Variants in LHFPL1 observed in about 807,000 individuals in gnomAD.
LHFPL1 encodes the protein LHFPL tetraspan subfamily member 1.
LHFPL1 carries 4 observed loss-of-function variants against 12.1 expected under a neutral mutation model. The observed-to-expected ratio is 0.33, with a 90% CI of 0.16 to 0.76. The LOEUF is 0.76. LHFPL1 is among the 30% of genes least tolerant of loss of function. The pLI is 0.61. For missense variants in LHFPL1, 141 were observed against 174.1 expected (o/e 0.81, Z 1.07); for synonymous variants, 52 against 61.9 (o/e 0.84, Z 0.75).
chrX:112,631,864 G>A (rs987267780), intron 3 of LHFPL1, among the ~76,000 whole-genome samples: 34 of 111,580 alleles, frequency 3.0e-4, no homozygotes, highest in African/African-American at 1.1e-3. Flanking sequence ...GGGGTGGTAT[G>A]GGTGGCAATG....
intron 2 of LHFPL1, among the ~76,000 whole-genome samples, chrX:112,669,340 G>A (rs1329909885): frequency 1.8e-5 from 2 of 112,413 alleles, no homozygotes; most frequent in Non-Finnish European, 3.8e-5. Flanking sequence ...TAATACCCAT[G>A]GAGCTTCCAA....
rs1475994174 is a variant in LHFPL1 at position 112,631,065 on chromosome X, GTGAA to G, written c.*351_*354del. ...ACTTGGGAATGAACTGATGAACTGT[GTGAA>G]TGGAGTGGTAGGAACCAGCTCTGCC... On this transcript the variant is annotated 3_prime_UTR_variant, in exon 4 of 4. Coordinates refer to ENST00000371968, the MANE Select transcript of LHFPL1 (RefSeq NM_178175.4). 6.9e-6 allele frequency: 1 copy of G among 144,709 alleles called. No individual in the cohort carries two copies. Among genetic ancestry groups the G allele is most frequent in the Non-Finnish European group, 1.4e-5 (1 of 73,860 alleles). 11.9% of individuals were successfully genotyped at this position (144,709 alleles called of 1,213,427 possible).
intron 3 of LHFPL1, among the ~76,000 whole-genome samples, chrX:112,644,940 G>A (rs1270990961): frequency 8.9e-6 from 1 of 112,272 alleles, no homozygotes; most frequent in Non-Finnish European, 1.9e-5. Flanking sequence ...GCTTTGAACT[G>A]GCAAGAATGA....
intron 1 of LHFPL1, among the ~76,000 whole-genome samples, chrX:112,675,738 T>G (rs960230482): frequency 1.8e-5 from 2 of 111,463 alleles, no homozygotes; most frequent in Non-Finnish European, 3.8e-5. Flanking sequence ...TTGGATGAAA[T>G]GGTCACCCTA....
At chrX:112,662,565 G>A (rs777441555) in intron 2 of LHFPL1, among the ~76,000 whole-genome samples, 2 of 112,345 alleles carry the variant, frequency 1.8e-5, no homozygotes, top group South Asian at 3.7e-4. Context: ...TAAGAAAATA[G>A]GGAGAATTTA....
chrX:112,637,586 A>T (rs950174106), intron 3 of LHFPL1, among the ~76,000 whole-genome samples: 2 of 112,157 alleles, frequency 1.8e-5, no homozygotes, highest in Non-Finnish European at 3.8e-5. Context: ...GAATCCAAAA[A>T]AGGAGTTCTC....
intron 1 of LHFPL1, among the ~76,000 whole-genome samples, chrX:112,674,648 A>C (rs758488098): frequency 8.9e-6 from 1 of 112,283 alleles, no homozygotes; most frequent in Non-Finnish European, 1.9e-5. Context: ...ACAATTATTA[A>C]AAAAGATATA....
intron 3 of LHFPL1, among the ~76,000 whole-genome samples, chrX:112,640,300 TG>T (rs1803435653): frequency 9.0e-6 from 1 of 110,543 alleles, no homozygotes; most frequent in Non-Finnish European, 1.9e-5. Context: ...TGAAAGGAGC[TG>T]GGGAGTTTTC....
intron 2 of LHFPL1, among the ~76,000 whole-genome samples, chrX:112,661,413 A>G (rs1169518287): frequency 5.4e-5 from 6 of 111,758 alleles, no homozygotes; most frequent in African/African-American, 1.6e-4. Context: ...TCTGCTTGCC[A>G]ACACTGCCTT....
intron 3 of LHFPL1, among the ~76,000 whole-genome samples, chrX:112,649,435 T>G (rs2147709008): frequency 8.9e-6 from 1 of 112,282 alleles, no homozygotes; most frequent in African/African-American, 3.2e-5. Flanking sequence ...ATAAGCCTCC[T>G]CCAATTGTGA....
At chrX:112,649,984 A>T (rs1358405664) in intron 3 of LHFPL1, among the ~76,000 whole-genome samples, 1 of 89,155 alleles carries the variant, frequency 1.1e-5, no homozygotes, top group Non-Finnish European at 2.0e-5. Flanking sequence ...TTGTGAAAAA[A>T]AAAAAAGTAT....
At chrX:112,651,988 T>C (rs1304655167) in intron 3 of LHFPL1, among the ~76,000 whole-genome samples, 1 of 113,064 alleles carries the variant, frequency 8.8e-6, no homozygotes, top group African/African-American at 3.2e-5. Context: ...AAAACTGGCC[T>C]TAGAGTAGTA....
intron 1 of LHFPL1, among the ~76,000 whole-genome samples, chrX:112,675,176 C>T (rs1028376048): frequency 9.0e-6 from 1 of 111,313 alleles, no homozygotes; most frequent in African/African-American, 3.3e-5. Flanking sequence ...GTATACTACT[C>T]GGGTGATGGG....
chrX:112,674,205 T>A (rs1258847318), intron 1 of LHFPL1, among the ~76,000 whole-genome samples: 1 of 111,743 alleles, frequency 8.9e-6, no homozygotes, highest in African/African-American at 3.3e-5. Flanking sequence ...GACATCCTTT[T>A]CAACAACTAG....
chrX:112,633,947 C>T (rs1002359810), intron 3 of LHFPL1, among the ~76,000 whole-genome samples: 9 of 111,330 alleles, frequency 8.1e-5, no homozygotes, highest in African/African-American at 2.9e-4. Context: ...CCTTGTTGCT[C>T]CTCCCCCTGG....
rs182022787 is a variant in LHFPL1, at chrX:112,651,642, C to G, written c.481+8985G>C. Among the ~76,000 whole-genome samples, 506 of 111,703 alleles carry G rather than the reference C, an allele frequency of 4.5e-3. 3 individuals carry two copies. The highest frequency in any genetic ancestry group is 0.015 in the African/African-American group (473 of 30,726). Reference sequence around the variant, plus strand: ...ACCCATATCAAATCTATCACCTGTACAATTGATTACACTTTAAAATATATT... The same window carrying G: ...ACCCATATCAAATCTATCACCTGTAGAATTGATTACACTTTAAAATATATT... On this transcript the variant is annotated intron_variant, in intron 3 of 3. Coordinates refer to ENST00000371968, the MANE Select transcript of LHFPL1 (RefSeq NM_178175.4).
Position 112,660,612 on chromosome X carries a change from C to A in LHFPL1, c.481+15G>T. 1 of 1,189,657 alleles carries A rather than the reference C, an allele frequency of 8.4e-7. No homozygotes were observed. The highest frequency in any genetic ancestry group is 1.1e-6 in the Non-Finnish European group (1 of 875,638). Reference sequence around the variant, plus strand: ...TCCCATGAACCATCACTGCCATCTGCCCAGGCCACCTTACCTAACTGAAAT... The same window carrying A: ...TCCCATGAACCATCACTGCCATCTGACCAGGCCACCTTACCTAACTGAAAT... On this transcript the variant is annotated intron_variant, in intron 3 of 3. Transcript: ENST00000371968.
At position 112,631,493 on chromosome X, in the gene LHFPL1, A is replaced by T; in HGVS notation, c.590T>A (p.Val197Asp). The T allele has an allele frequency of 1.7e-6, 2 of 1,210,496 alleles. No individual in the cohort carries two copies. Among genetic ancestry groups the T allele is most frequent in the Non-Finnish European group, 2.2e-6 (2 of 894,814 alleles). ...CCTCATGATGCTCTCCACCAATATG[A>T]CAGGCTTGGGGTTTCTTCCAGCAAA... Reference protein sequence around the residue: ...SCFAGRNPKPVILVESIMRNT... With the variant: ...SCFAGRNPKPDILVESIMRNT... The change falls in exon 4 of 4, where the codon GTC becomes GAC. Residue 197 changes from valine to aspartate, a missense_variant. Transcript: ENST00000371968.
At chrX:112,644,918 T>G (rs1032598133) in intron 3 of LHFPL1, among the ~76,000 whole-genome samples, 12 of 112,036 alleles carry the variant, frequency 1.1e-4, no homozygotes, top group Non-Finnish European at 5.6e-5. Flanking sequence ...AAACCCCAAG[T>G]CACCATAAAA....
Sources: gnomAD v4.1 joint callset for allele counts (sites outside exome capture counted in the v4.1 genomes callset) on GRCh38, gnomAD v4.1.1 for gene constraint, MANE v1.5 for transcripts, NCBI Gene and HGNC (gene_info 2026-07-23, HGNC 2026-07-21) for gene names.